Variants in MYO1D observed in about 807,000 individuals in gnomAD.
MYO1D encodes the protein myosin ID, also known as unconventional myosin-Id.
MYO1D carries 83 observed loss-of-function variants against 122.0 expected under a neutral mutation model. The observed-to-expected ratio is 0.68, with a 90% CI of 0.57 to 0.82. MYO1D has a LOEUF of 0.82. Ranked by LOEUF, MYO1D falls within the 40% of genes least tolerant of loss-of-function variation. The probability of loss-of-function intolerance (pLI) is 0.00; values close to 1 mark genes in which losing one functional copy is unlikely to be tolerated. For missense variants in MYO1D, 1,157 were observed against 1,269.5 expected (o/e 0.91, Z 1.35); for synonymous variants, 464 against 446.9 (o/e 1.04, Z -0.48).
chr17:32,544,448 C>G (rs1340287685), intron 21 of MYO1D, among the ~76,000 whole-genome samples: 2 of 152,058 alleles, frequency 1.3e-5, no homozygotes, highest in Non-Finnish European at 2.9e-5. Context: ...TTTAAAAATT[C>G]TACTGTCCAA....
chr17:32,526,644 A>G (rs1235207835), intron 21 of MYO1D, among the ~76,000 whole-genome samples: 1 of 146,664 alleles, frequency 6.8e-6, no homozygotes, highest in Non-Finnish European at 1.5e-5. Flanking sequence ...ATGGACCCCT[A>G]TTTTCAAGGT....
chr17:32,563,009 C>T (rs760748913), intron 21 of MYO1D, among the ~76,000 whole-genome samples: 7 of 151,992 alleles, frequency 4.6e-5, no homozygotes, highest in Non-Finnish European at 8.8e-5. Flanking sequence ...CAATGCAGAA[C>T]CTTACTGCAT....
intron 21 of MYO1D, among the ~76,000 whole-genome samples, chr17:32,545,320 A>C (rs1374099158): frequency 6.6e-6 from 1 of 152,222 alleles, no homozygotes; most frequent in African/African-American, 2.4e-5. Context: ...AGGGTAAGTG[A>C]GAAAACGTAT....
intron 1 of MYO1D, among the ~76,000 whole-genome samples, chr17:32,790,855 C>T (rs1256574250): frequency 6.6e-6 from 1 of 152,162 alleles, no homozygotes; most frequent in African/African-American, 2.4e-5. Flanking sequence ...ACAGTAACAC[C>T]AGATAAAGGC....
intron 1 of MYO1D, among the ~76,000 whole-genome samples, chr17:32,808,157 T>C (rs1425380354): frequency 6.6e-6 from 1 of 152,084 alleles, no homozygotes; most frequent in Non-Finnish European, 1.5e-5. Flanking sequence ...GAGGACTGTT[T>C]GAGGTCAGGA....
intron 1 of MYO1D, among the ~76,000 whole-genome samples, chr17:32,858,663 T>G (rs2091046334): frequency 1.3e-5 from 2 of 152,220 alleles, no homozygotes; most frequent in African/African-American, 2.4e-5. Flanking sequence ...TTCATTTTGA[T>G]CACTTCATTA....
chr17:32,712,384 T>C (rs545834170), intron 15 of MYO1D, among the ~76,000 whole-genome samples, 189 bp from the exon 16 acceptor site: 50 of 152,164 alleles, frequency 3.3e-4, no homozygotes, highest in Non-Finnish European at 5.9e-4. Flanking sequence ...ATAACAACTC[T>C]TACTAAACTA....
chr17:32,647,001 C>T (rs955069541), intron 19 of MYO1D, among the ~76,000 whole-genome samples: 13 of 152,144 alleles, frequency 8.5e-5, no homozygotes, highest in African/African-American at 3.1e-4. Context: ...ATTAGATAAA[C>T]CCTCATCTTG....
At position 32,778,693 on chromosome 17, in the gene MYO1D, C is replaced by T. The variant is rs116126428; in HGVS notation, c.305-120G>A. ...TGCATTTAAAATCCCACATGTTGCA[C>T]TGTTTCATTTTTTTGCTTTTTTGAG... On this transcript the variant is annotated intron_variant, in intron 2 of 21. Transcript: ENST00000318217. The T allele has an allele frequency of 4.9e-3, 4,554 of 936,616 alleles. 132 individuals carry two copies. The African/African-American group carries it at 0.065, about 13-fold the overall frequency. The allele number at this position is 936,616 out of a possible 1,614,324, so 58.0% of individuals were successfully genotyped here. A position where few individuals can be genotyped will look rare whatever the true frequency, so the allele number is the denominator to read the frequency against.
At chr17:32,558,712 G>A (rs1431198333) in intron 21 of MYO1D, among the ~76,000 whole-genome samples, 1 of 152,166 alleles carries the variant, frequency 6.6e-6, no homozygotes, top group Non-Finnish European at 1.5e-5. Flanking sequence ...ATTTTAAAAT[G>A]TGCTTCCGTT....
chr17:32,560,966 C>G (rs1297727471), intron 21 of MYO1D, among the ~76,000 whole-genome samples: 1 of 146,562 alleles, frequency 6.8e-6, no homozygotes, highest in Non-Finnish European at 1.5e-5. Context: ...GGCTGGAGTG[C>G]AATGGTGTGA....
intron 21 of MYO1D, among the ~76,000 whole-genome samples, chr17:32,507,885 T>C (rs1395336898): frequency 1.4e-5 from 2 of 148,056 alleles, no homozygotes; most frequent in African/African-American, 2.5e-5. Context: ...AACCCAACCA[T>C]GCTGGACTTT....
At chr17:32,829,492 C>T (rs573053545) in intron 1 of MYO1D, among the ~76,000 whole-genome samples, 1 of 152,208 alleles carries the variant, frequency 6.6e-6, no homozygotes, top group East Asian at 1.9e-4. Flanking sequence ...CTTGCTCTGT[C>T]ACCCAGGCTG....
chr17:32,578,064 T>C (rs16967434), intron 21 of MYO1D, among the ~76,000 whole-genome samples: 6,671 of 152,256 alleles, frequency 0.044, 225 homozygotes, highest in East Asian at 0.18. Context: ...AAAGAGACCT[T>C]AGAGGTAGCT....
intron 15 of MYO1D, among the ~76,000 whole-genome samples, chr17:32,715,510 TTCTGGCTAC>T (rs2089433075): frequency 6.6e-6 from 1 of 152,164 alleles, no homozygotes; most frequent in Admixed American, 6.5e-5. Flanking sequence ...CAATCTGATT[TTCTGGCTAC>T]TCTGGCTACT....
chr17:32,751,456 CT>C (rs1197714609), intron 11 of MYO1D, among the ~76,000 whole-genome samples: 1 of 152,112 alleles, frequency 6.6e-6, no homozygotes, highest in East Asian at 1.9e-4. Flanking sequence ...GGTATTCAAA[CT>C]GGAAAACAGA....
chr17:32,588,196 A>T (rs1220376891), intron 21 of MYO1D, among the ~76,000 whole-genome samples: 1 of 152,256 alleles, frequency 6.6e-6, no homozygotes, highest in African/African-American at 2.4e-5. Context: ...CTGGTTGGAC[A>T]GTGTGTAGAG....
chr17:32,512,109 G>A (rs145921670), intron 21 of MYO1D, among the ~76,000 whole-genome samples: 77 of 152,120 alleles, frequency 5.1e-4, no homozygotes, highest in African/African-American at 1.8e-3. Context: ...GAGACCAGAC[G>A]GACCAACATG....
chr17:32,859,620 C>A (rs2091053585), intron 1 of MYO1D, among the ~76,000 whole-genome samples: 1 of 152,194 alleles, frequency 6.6e-6, no homozygotes, highest in Non-Finnish European at 1.5e-5. Flanking sequence ...TGAATTCTGT[C>A]TTTTGGGGTC....
Sources: gnomAD v4.1 joint callset for allele counts (sites outside exome capture counted in the v4.1 genomes callset) on GRCh38, gnomAD v4.1.1 for gene constraint, MANE v1.5 for transcripts, NCBI Gene and HGNC (gene_info 2026-07-23, HGNC 2026-07-21) for gene names.